The following TNR variants were observed in gnomAD, a reference collection of about 807,000 sequenced individuals.
TNR encodes tenascin R, also known as tenascin-R.
TNR carries 45 observed loss-of-function variants against 150.4 expected under a neutral mutation model. The ratio of observed to expected loss-of-function variants is 0.30; its 90% CI spans 0.24 to 0.38. TNR has a LOEUF of 0.38. Ranked by LOEUF, TNR falls within the 10% of genes least tolerant of loss-of-function variation. The pLI, the probability that TNR is intolerant of heterozygous loss-of-function variation, is 1.00. For synonymous variants in TNR, 687 were observed against 678.4 expected, an observed-to-expected ratio of 1.01 and a Z score of -0.20; for missense variants, 1,544 against 1,759.1, an observed-to-expected ratio of 0.88 and a Z score of 2.19.
Position 175,319,981 on chromosome 1 carries a change from T to A in TNR, c.*3376A>T, listed in dbSNP as rs973748164. Reference sequence around the variant, plus strand: ...TGTGCATCTGATATGTTGGAAATTATCTTTATATGTTGGGGAAATGCAAAA... The same window carrying A: ...TGTGCATCTGATATGTTGGAAATTAACTTTATATGTTGGGGAAATGCAAAA... On this transcript the variant is annotated 3_prime_UTR_variant, in exon 23 of 23. Transcript: ENST00000367674. 1.3e-5 allele frequency: 2 copies of A among 152,268 alleles called. No homozygotes were observed. The highest frequency in any genetic ancestry group is 4.8e-5 in the African/African-American group (2 of 41,456). 9.4% of individuals were successfully genotyped at this position (152,268 alleles called of 1,614,324 possible).
Position 175,317,961 on chromosome 1 carries a change from C to T in TNR, c.*5396G>A, listed in dbSNP as rs1648888699. 1.3e-5 allele frequency: 2 copies of T among 152,200 alleles called. No homozygotes were observed. Among genetic ancestry groups the T allele is most frequent in the Admixed American group, 1.3e-4 (2 of 15,274 alleles). 9.4% of individuals were successfully genotyped at this position (152,200 alleles called of 1,614,324 possible). ...CCAAGGACATTTGGACAATGAAGTG[C>T]TGCAGGTGCAATGAAGTCATGTTTC... is the stretch of plus-strand genomic sequence containing the variant. On this transcript the variant is annotated 3_prime_UTR_variant, in exon 23 of 23. Coordinates refer to ENST00000367674, the MANE Select transcript of TNR (RefSeq NM_003285.3).
chr1:175,536,796 C>T (rs1660309947), intron 1 of TNR, among the ~76,000 whole-genome samples: 1 of 152,198 alleles, frequency 6.6e-6, no homozygotes, highest in Non-Finnish European at 1.5e-5. Context: ...AATTCTACTT[C>T]TCTGAGCACT....
intron 1 of TNR, among the ~76,000 whole-genome samples, chr1:175,690,419 A>T (rs1015586984): frequency 6.6e-6 from 1 of 152,236 alleles, no homozygotes; most frequent in Admixed American, 6.5e-5. Flanking sequence ...AGATGGGGTG[A>T]CCAGGAAAGT....
intron 1 of TNR, among the ~76,000 whole-genome samples, chr1:175,548,094 G>A (rs548752970): frequency 5.9e-4 from 90 of 152,268 alleles, no homozygotes; most frequent in Middle Eastern, 3.4e-3. Flanking sequence ...CTAGGTCCTC[G>A]TTGAGTCCAT....
chr1:175,418,358 A>G (rs756116126), intron 2 of TNR, among the ~76,000 whole-genome samples: 2 of 152,192 alleles, frequency 1.3e-5, no homozygotes, highest in Non-Finnish European at 2.9e-5. Flanking sequence ...CTAGAGAAAG[A>G]CTAATGGAAA....
intron 2 of TNR, among the ~76,000 whole-genome samples, chr1:175,486,303 G>A (rs1349294227): frequency 2.0e-5 from 3 of 149,078 alleles, no homozygotes. Flanking sequence ...GGCCCTGTTT[G>A]TGTGATGTTT....
chr1:175,466,739 T>C (rs1192822903), intron 2 of TNR, among the ~76,000 whole-genome samples: 1 of 152,226 alleles, frequency 6.6e-6, no homozygotes, highest in African/African-American at 2.4e-5. Context: ...GGAGAGCTTG[T>C]TCAACCTGCC....
chr1:175,356,603 T>C, intron 15 of TNR, 141 bp from the exon 16 acceptor site: 1 of 992,162 alleles, frequency 1.0e-6, no homozygotes, highest in Non-Finnish European at 1.4e-6. Flanking sequence ...TAGCTTAGTA[T>C]CTTACTCTTT....
intron 17 of TNR, 68 bp downstream of exon 17, chr1:175,355,435 C>T (rs1651279321): frequency 2.7e-5 from 42 of 1,582,622 alleles, no homozygotes; most frequent in Non-Finnish European, 3.6e-5. Context: ...TGTGGTCACT[C>T]CACTAGTCAG....
chr1:175,523,556 C>A (rs2901913), intron 2 of TNR, among the ~76,000 whole-genome samples: 3 of 152,174 alleles, frequency 2.0e-5, no homozygotes, highest in Middle Eastern at 3.2e-3. Flanking sequence ...ACAATACGTG[C>A]TCTGAGGGTT....
chr1:175,572,353 T>A (rs1036167199), intron 1 of TNR, among the ~76,000 whole-genome samples: 1 of 152,186 alleles, frequency 6.6e-6, no homozygotes, highest in African/African-American at 2.4e-5. Flanking sequence ...TCTTTAGTAA[T>A]CAAGACTTCA....
At chr1:175,332,259 T>A (rs1467995081) in intron 20 of TNR, among the ~76,000 whole-genome samples, 1 of 152,226 alleles carries the variant, frequency 6.6e-6, no homozygotes, top group Non-Finnish European at 1.5e-5. Context: ...CCTCCTTGTC[T>A]AAGTGGTGAC....
chr1:175,488,641 C>T (rs1658113419), intron 2 of TNR, among the ~76,000 whole-genome samples: 1 of 152,212 alleles, frequency 6.6e-6, no homozygotes. Flanking sequence ...AGGAAAGTCA[C>T]TTGGGTGAAG....
At chr1:175,325,826 C>T (rs1649351684) in intron 21 of TNR, among the ~76,000 whole-genome samples, 1 of 150,012 alleles carries the variant, frequency 6.7e-6, no homozygotes, top group Admixed American at 6.6e-5. Flanking sequence ...AATGAGAACA[C>T]GTGGACACAG....
At chr1:175,575,556 G>T (rs1662069015) in intron 1 of TNR, among the ~76,000 whole-genome samples, 1 of 152,178 alleles carries the variant, frequency 6.6e-6, no homozygotes, top group African/African-American at 2.4e-5. Context: ...TGTATTGGTT[G>T]CTAATAGGAG....
intron 11 of TNR, 58 bp from the exon 12 acceptor site, chr1:175,365,337 TAGA>T (rs1651785201): frequency 1.3e-6 from 2 of 1,525,922 alleles, no homozygotes; most frequent in African/African-American, 1.4e-5. Flanking sequence ...GTCACTGGGC[TAGA>T]AGAACTTCTT....
chr1:175,417,071 G>GAAAT (rs1236322486), intron 2 of TNR, among the ~76,000 whole-genome samples: 3,493 of 119,730 alleles, frequency 0.029, 100 homozygotes, highest in East Asian at 0.056. Flanking sequence ...AAGAAAGAAA[G>GAAAT]AAAGAAATCT....
At chr1:175,436,332 T>A (rs34370670) in intron 2 of TNR, among the ~76,000 whole-genome samples, 34,170 of 152,088 alleles carry the variant, frequency 0.22, 4,985 homozygotes, top group African/African-American at 0.41. Context: ...AGGCTTTGTT[T>A]GTTTCTCTTT....
chr1:175,481,628 C>T (rs73044467), intron 2 of TNR, among the ~76,000 whole-genome samples: 71 of 152,288 alleles, frequency 4.7e-4, no homozygotes, highest in African/African-American at 1.7e-3. Flanking sequence ...AGACTACATG[C>T]TTGTGGCTGA....
Sources: gnomAD v4.1 joint callset for allele counts (sites outside exome capture counted in the v4.1 genomes callset) on GRCh38, gnomAD v4.1.1 for gene constraint, MANE v1.5 for transcripts, NCBI Gene and HGNC (gene_info 2026-07-23, HGNC 2026-07-21) for gene names.